Variants in KIFC3 observed in about 807,000 individuals in gnomAD.
The protein encoded by KIFC3 is kinesin-like protein KIFC3.
Under a neutral mutation model 101.8 loss-of-function variants are expected in KIFC3, and 60 were observed. The observed-to-expected ratio is 0.59, with a 90% confidence interval of 0.48 to 0.73. KIFC3 has a LOEUF of 0.73. Among genes scored for constraint, KIFC3 ranks in the 30% least tolerant of loss-of-function variants. KIFC3 has a pLI of 0.00. For synonymous variants in KIFC3, 476 were observed against 482.7 expected (o/e 0.99, Z 0.18); for missense variants, 966 against 1,137.1 (o/e 0.85, Z 2.16).
chr16:57,833,518 T>C (rs904716247), intron 1 of KIFC3, among the ~76,000 whole-genome samples: 10 of 152,086 alleles, frequency 6.6e-5, no homozygotes, highest in African/African-American at 2.2e-4. Context: ...AGGGCTGAGC[T>C]CAGAAGGTCT....
upstream of KIFC3, chr16:57,802,699 C>T: frequency 1.2e-6 from 1 of 856,692 alleles, no homozygotes; most frequent in Non-Finnish European, 1.7e-6. The surrounding 1 kb of genome is among the most constrained non-coding windows in gnomAD (Gnocchi z 5.0). Flanking sequence ...CTCGGTCTCT[C>T]CCGCCTCCCC....
intron 3 of KIFC3, among the ~76,000 whole-genome samples, chr16:57,772,784 C>G (rs1439990687): frequency 6.6e-6 from 1 of 152,194 alleles, no homozygotes; most frequent in African/African-American, 2.4e-5. Flanking sequence ...TCTGGCAAGT[C>G]AGCCTGTGGA....
intron 1 of KIFC3, chr16:57,810,700 G>A (rs2055050135): frequency 1.0e-6 from 1 of 985,186 alleles, no homozygotes; most frequent in Non-Finnish European, 1.2e-6. Context: ...TGGGCTGAGG[G>A]ACAGCTTCAT....
intron 1 of KIFC3, among the ~76,000 whole-genome samples, chr16:57,819,571 TA>T (rs1204669976): frequency 2.6e-5 from 4 of 152,146 alleles, no homozygotes; most frequent in African/African-American, 9.7e-5. Flanking sequence ...TTTATTTATT[TA>T]TTTATTGAGA....
chr16:57,764,262 GGAGGGAGGCT>G lies in KIFC3; in HGVS notation c.1513-25_1513-16del. The G allele has an allele frequency of 6.6e-7, 1 of 1,509,420 alleles. No individual in the cohort carries two copies. Among genetic ancestry groups the G allele is most frequent in the Non-Finnish European group, 9.1e-7 (1 of 1,099,660 alleles). The allele number at this position is 1,509,420 out of a possible 1,614,324, so 93.5% of individuals were successfully genotyped here. On this transcript the variant is annotated splice_polypyrimidine_tract_variant and intron_variant, in intron 11 of 19. Transcript: ENST00000445690. ...TCCTGGAACACCTGGGAGGGTGGTG[GGAGGGAGGCT>G]GGTGGGGGGGCTTCCAGGGCCGCTG...
At position 57,765,813 on chromosome 16, in the gene KIFC3, A is replaced by G. The variant is rs549397111; in HGVS notation, c.1331-173T>C. ...TGTTATCCGTCATTCACACTATAGTATGAATTCACTTAGTACATTTCTTCT... is the reference window on the plus strand; with the variant it reads ...TGTTATCCGTCATTCACACTATAGTGTGAATTCACTTAGTACATTTCTTCT... On this transcript the variant is annotated intron_variant, in intron 10 of 19. Coordinates refer to ENST00000445690, the MANE Select transcript of KIFC3 (RefSeq NM_001130100.2). 4.0e-5 allele frequency: 24 copies of G among 602,146 alleles called. No individual in the cohort carries two copies. In the Admixed American group the frequency reaches 4.5e-4, roughly 11 times the overall value. The allele number at this position is 602,146 out of a possible 1,614,324, so 37.3% of individuals were successfully genotyped here. A position where few individuals can be genotyped will look rare whatever the true frequency, so the allele number is the denominator to read the frequency against.
At chr16:57,824,679 T>C (rs1253927042) in intron 1 of KIFC3, among the ~76,000 whole-genome samples, 1 of 152,098 alleles carries the variant, frequency 6.6e-6, no homozygotes, top group Non-Finnish European at 1.5e-5. Flanking sequence ...CAAGACGCTG[T>C]CTCAAAGAAA....
chr16:57,837,918 A>G (rs1176690760), intron 1 of KIFC3, among the ~76,000 whole-genome samples: 1 of 152,136 alleles, frequency 6.6e-6, no homozygotes, highest in East Asian at 1.9e-4. Flanking sequence ...GGAGGGCCAT[A>G]CAGATTGGCC....
upstream of KIFC3, among the ~76,000 whole-genome samples, chr16:57,806,634 T>C (rs1421176981): frequency 6.6e-6 from 1 of 152,208 alleles, no homozygotes; most frequent in Non-Finnish European, 1.5e-5. Flanking sequence ...GCGTGAAATG[T>C]ACCCAAACAG....
chr16:57,828,021 G>C (rs1326258905), intron 1 of KIFC3, among the ~76,000 whole-genome samples: 1 of 152,228 alleles, frequency 6.6e-6, no homozygotes, highest in African/African-American at 2.4e-5. Context: ...AAGGTGAAGT[G>C]CTTCCCCAAA....
chr16:57,762,253 T>G lies in KIFC3; in HGVS notation c.1635A>C (p.Pro545=). The G allele has an allele frequency of 6.3e-7, 1 of 1,581,654 alleles. No individual in the cohort carries two copies. Among genetic ancestry groups the G allele is most frequent in the South Asian group, 1.1e-5 (1 of 87,830 alleles). Residue 545 remains proline (P), a synonymous_variant, in exon 13 of 20, where the codon CCA becomes CCC. Transcript: ENST00000445690. ...TYTMEGTAEN[P]GINQRALQLL... The stretch of plus-strand genomic sequence containing the variant: ...GCTGCAGGGCCCGCTGGTTGATACC[T>G]GGGTTCTCAGCGGTCCCCTGGGGAC...
intron 1 of KIFC3, among the ~76,000 whole-genome samples, chr16:57,800,742 G>C (rs189686060): frequency 3.4e-4 from 52 of 152,316 alleles, no homozygotes; most frequent in African/African-American, 1.1e-3. Context: ...AAAAGCAGCT[G>C]AATTTAGCAG....
chr16:57,799,305 C>T (rs1418601131), intron 1 of KIFC3, among the ~76,000 whole-genome samples: 2 of 152,102 alleles, frequency 1.3e-5, no homozygotes, highest in African/African-American at 4.8e-5. Context: ...ACAGAAGAAG[C>T]GAAGTCAGCT....
At chr16:57,812,046 CTTT>C (rs1205613960) in intron 1 of KIFC3, among the ~76,000 whole-genome samples, 3 of 131,766 alleles carry the variant, frequency 2.3e-5, no homozygotes, top group African/African-American at 3.1e-5. Flanking sequence ...CCGTCTCTCT[CTTT>C]TTTTTTTTTT....
intron 1 of KIFC3, among the ~76,000 whole-genome samples, chr16:57,825,616 A>G (rs1330007816): frequency 6.6e-6 from 1 of 152,126 alleles, no homozygotes; most frequent in Non-Finnish European, 1.5e-5. Flanking sequence ...GCCTCTATCT[A>G]CTTAGGTTCT....
intron 3 of KIFC3, among the ~76,000 whole-genome samples, chr16:57,777,303 T>C (rs2052216556): frequency 6.6e-6 from 1 of 152,182 alleles, no homozygotes; most frequent in African/African-American, 2.4e-5. Flanking sequence ...ATGCAATGCC[T>C]AACAAAATCC....
rs2049611393 is a variant in KIFC3 at position 57,759,851 on chromosome 16, G to C, written c.2368-15C>G. The C allele has an allele frequency of 1.3e-6, 2 of 1,588,964 alleles. No homozygotes were observed. The highest frequency in any genetic ancestry group is 1.7e-6 in the Non-Finnish European group (2 of 1,166,288). On this transcript the variant is annotated splice_polypyrimidine_tract_variant and intron_variant, in intron 17 of 19. Transcript: ENST00000445690. ...GCCGGCTCCCACTGTGAGCAGGGAA[G>C]GGCGGATGGGCGGGGGCCACGGCTG...
chr16:57,820,760 G>A (rs191904691), intron 1 of KIFC3, among the ~76,000 whole-genome samples: 1 of 152,162 alleles, frequency 6.6e-6, no homozygotes, highest in African/African-American at 2.4e-5. Flanking sequence ...TGACTCCAGC[G>A]CTTAGCACAG....
At chr16:57,838,003 C>CTGAA (rs1274866550) in intron 1 of KIFC3, among the ~76,000 whole-genome samples, 1 of 152,140 alleles carries the variant, frequency 6.6e-6, no homozygotes, top group African/African-American at 2.4e-5. Context: ...CACTGGCTTG[C>CTGAA]TGAACCAGGG....
Sources: allele counts gnomAD v4.1 joint callset (sites outside exome capture counted in the v4.1 genomes callset), GRCh38; gene constraint gnomAD v4.1.1; non-coding constraint Gnocchi (gnomAD v3.1); transcripts MANE v1.5; gene names NCBI Gene and HGNC (gene_info 2026-07-23, HGNC 2026-07-21).